Variants in SHANK2 observed in about 807,000 individuals in gnomAD.
SHANK2 encodes SH3 and multiple ankyrin repeat domains protein 2.
SHANK2 carries 43 observed loss-of-function variants against 133.7 expected under a neutral mutation model. The ratio of observed to expected loss-of-function variants is 0.32; its 90% CI spans 0.25 to 0.41. The LOEUF (loss-of-function observed/expected upper bound fraction) is 0.41, where lower values mean the gene tolerates loss of function less well. Ranked by LOEUF, SHANK2 falls within the 10% of genes least tolerant of loss-of-function variation. The probability of loss-of-function intolerance (pLI) is 1.00; values close to 1 mark genes in which losing one functional copy is unlikely to be tolerated. For missense variants in SHANK2, 1,994 were observed against 2,235.8 expected (o/e 0.89, Z 2.18); for synonymous variants, 1,017 against 952.8 (o/e 1.07, Z -1.24).
chr11:70,770,215 G>C (rs1012108453), intron 14 of SHANK2, among the ~76,000 whole-genome samples: 11 of 152,346 alleles, frequency 7.2e-5, no homozygotes, highest in African/African-American at 2.4e-4. Context: ...GTGACTTGGA[G>C]CTCGGCTGTG....
intron 11 of SHANK2, among the ~76,000 whole-genome samples, chr11:70,866,850 G>A (rs1287986860): frequency 2.6e-5 from 4 of 151,998 alleles, no homozygotes; most frequent in East Asian, 3.9e-4. Flanking sequence ...CTCTCTGCCC[G>A]CACATGGACT....
At position 70,820,443 on chromosome 11, in the gene SHANK2, G is replaced by A. The variant is rs1332416550; in HGVS notation, c.1414C>T (p.Arg472Cys). The change falls in exon 12 of 26, where the codon CGC becomes TGC. Residue 472 changes from arginine (R) to cysteine (C), a missense_variant. Physicochemically the swap from Arg to Cys is radical, Grantham distance 180. Around this residue, in one of 5 missense-constraint regions of SHANK2, gnomAD observed 653 missense variants for 563.4 expected, o/e 1.16. Coordinates refer to ENST00000601538, the MANE Select transcript of SHANK2 (RefSeq NM_012309.5). ...KTIGSYVPGP[R>C]SRSPSLNRLG... ...CTGTTGAGCGATGGGGACCGGCTGC[G>A]GGGCCCGGGCACGTAGCTCCCAATG... The A allele has an allele frequency of 1.5e-4, 110 of 711,886 alleles. No homozygotes were observed. Among genetic ancestry groups the A allele is most frequent in the Non-Finnish European group, 6.8e-5 (26 of 380,972 alleles). The allele number at this position is 711,886 out of a possible 1,614,324, so 44.1% of individuals were successfully genotyped here.
chr11:71,120,548 C>CA (rs1171624174), intron 3 of SHANK2, among the ~76,000 whole-genome samples: 7 of 152,124 alleles, frequency 4.6e-5, no homozygotes, highest in Admixed American at 6.5e-5. Context: ...TCCTCCCTGC[C>CA]AGGAAACCTG....
chr11:70,945,827 G>A (rs906858488), intron 10 of SHANK2, among the ~76,000 whole-genome samples: 12 of 152,118 alleles, frequency 7.9e-5, no homozygotes, highest in South Asian at 2.1e-4. Context: ...CCCTTCCAGC[G>A]CACAAGGAAT....
chr11:70,774,326 GTT>G (rs201907774), intron 14 of SHANK2, among the ~76,000 whole-genome samples: 1 of 145,426 alleles, frequency 6.9e-6, no homozygotes. Context: ...AGTGACTTTT[GTT>G]TTTTTTTTTG....
intron 25 of SHANK2, among the ~76,000 whole-genome samples, chr11:70,481,074 G>C (rs1475857691): frequency 6.6e-6 from 1 of 152,222 alleles, no homozygotes; most frequent in African/African-American, 2.4e-5. Flanking sequence ...TCCAGTTTGA[G>C]ATCAAAGATG....
chr11:70,907,438 T>C (rs1417391746), intron 10 of SHANK2, among the ~76,000 whole-genome samples: 1 of 152,212 alleles, frequency 6.6e-6, no homozygotes, highest in Non-Finnish European at 1.5e-5. Context: ...GGGAGCCTTC[T>C]AGCACCGATA....
chr11:70,604,996 C>T (rs564302345), intron 17 of SHANK2: 1 of 152,948 alleles, frequency 6.5e-6, no homozygotes, highest in Non-Finnish European at 1.5e-5. Flanking sequence ...GATTCACCAG[C>T]AGCAGCACCA....
At chr11:70,771,644 C>T (rs887213699) in intron 14 of SHANK2, among the ~76,000 whole-genome samples, 36 of 152,138 alleles carry the variant, frequency 2.4e-4, no homozygotes, top group African/African-American at 7.7e-4. Context: ...GGAGGAGGGG[C>T]GTGGAGCCGC....
In SHANK2 at chr11:70,770,915, C is replaced by CTTTTTTTT. The variant is rs71467419; in HGVS notation, c.1777+27520_1777+27527dup. Among the ~76,000 whole-genome samples the CTTTTTTTT allele has an allele frequency of 3.3e-4, 31 of 92,854 alleles. 3 individuals are homozygous for CTTTTTTTT. The highest frequency in any genetic ancestry group is 5.2e-4 in the Non-Finnish European group (26 of 49,640). 60.9% of individuals were successfully genotyped at this position (92,854 alleles called of 152,430 possible). A position where few individuals can be genotyped will look rare whatever the true frequency, so the allele number is the denominator to read the frequency against. Reference sequence around the variant, plus strand: ...TCTCTCCTTCCCTCCCTCTTACTTCCTTTTTTTTTTTTTTTTTTTTTTTTT... The same window carrying CTTTTTTTT: ...TCTCTCCTTCCCTCCCTCTTACTTCCTTTTTTTTTTTTTTTTTTTTTTTTTTTTTTTTT... On this transcript the variant is annotated intron_variant, in intron 14 of 25. Transcript: ENST00000601538.
intron 14 of SHANK2, among the ~76,000 whole-genome samples, chr11:70,759,603 GGA>G (rs2134967901): frequency 6.6e-6 from 1 of 152,334 alleles, no homozygotes; most frequent in East Asian, 1.9e-4. Context: ...TAACACTAAA[GGA>G]GAGATTGTGA....
chr11:71,127,949 C>A (rs1565466886), intron 3 of SHANK2, among the ~76,000 whole-genome samples: 1 of 152,324 alleles, frequency 6.6e-6, no homozygotes, highest in East Asian at 1.9e-4. Context: ...CTCTGGTGGA[C>A]CAGCCATCCT....
chr11:70,865,474 C>T (rs782633376), intron 11 of SHANK2, among the ~76,000 whole-genome samples: 10 of 152,150 alleles, frequency 6.6e-5, no homozygotes, highest in African/African-American at 1.9e-4. Flanking sequence ...TAAGGGCACG[C>T]GGGGGGTGTC....
At chr11:70,682,830 G>C (rs782336617) in intron 15 of SHANK2, among the ~76,000 whole-genome samples, 1 of 152,276 alleles carries the variant, frequency 6.6e-6, no homozygotes, top group African/African-American at 2.4e-5. Context: ...AAGACAAAAC[G>C]CAAGTCCTAA....
intron 2 of SHANK2, among the ~76,000 whole-genome samples, chr11:71,194,589 G>C (rs915549674): frequency 6.6e-6 from 1 of 152,214 alleles, no homozygotes. Context: ...CCAAGGAAGT[G>C]GATGCTAAGT....
chr11:70,526,614 C>T (rs1554972163), intron 17 of SHANK2, among the ~76,000 whole-genome samples: 1 of 152,250 alleles, frequency 6.6e-6, no homozygotes, highest in Non-Finnish European at 1.5e-5. Context: ...TCCAGCCCCA[C>T]TCCCCTGAAG....
Position 70,486,722 on chromosome 11 carries a change from C to G in SHANK2, c.3571G>C (p.Ala1191Pro). ...GPESSPAVPSASSGTAGPGNY... is the reference protein window; with the variant it reads ...GPESSPAVPSPSSGTAGPGNY... ...CCGGGGCCGGCTGTGCCGCTGCTCG[C>G]GGAGGGCACTGCTGGGCTGCTCTCG... Residue 1191 changes from alanine (A) to proline (P), a missense_variant, in exon 25 of 26, where the codon GCG becomes CCG. Physicochemically the swap from Ala to Pro is conservative, Grantham distance 27. This residue lies in a region of SHANK2 where 797 missense variants were observed against 907.4 expected (regional missense o/e 0.88). Transcript: ENST00000601538. The surrounding 1 kb of genome is among the most constrained non-coding windows in gnomAD (Gnocchi z 8.0). The G allele has an allele frequency of 6.2e-7, 1 of 1,610,418 alleles. No homozygotes were observed. Among genetic ancestry groups the G allele is most frequent in the Non-Finnish European group, 8.5e-7 (1 of 1,179,924 alleles).
At chr11:71,131,729 A>C (rs187457240) in intron 3 of SHANK2, among the ~76,000 whole-genome samples, 59 of 152,322 alleles carry the variant, frequency 3.9e-4, no homozygotes, top group African/African-American at 1.4e-3. Context: ...AGAAGCAATA[A>C]ATTGAAGTGA....
intron 2 of SHANK2, among the ~76,000 whole-genome samples, chr11:71,190,633 T>C (rs1555115240): frequency 2.0e-5 from 3 of 152,170 alleles, no homozygotes; most frequent in Admixed American, 6.5e-5. Context: ...CTCTCCCCTT[T>C]CTGACAACGT....
Sources: gnomAD v4.1 joint callset for allele counts (sites outside exome capture counted in the v4.1 genomes callset) on GRCh38, gnomAD v4.1.1 for gene constraint, gnomAD v4.1.1 regional missense constraint, Gnocchi (gnomAD v3.1) non-coding constraint, MANE v1.5 for transcripts, NCBI Gene and HGNC (gene_info 2026-07-23, HGNC 2026-07-21) for gene names.